OGG1: variants seen among roughly 807,000 people sequenced by gnomAD.
OGG1 encodes 8-oxoguanine DNA glycosylase.
In OGG1, 35 loss-of-function variants were observed where a neutral mutation model predicts 42.3. That is an observed-to-expected ratio of 0.83 (90% CI 0.63 to 1.10). The LOEUF is 1.10. Ranked by LOEUF, OGG1 falls within the 50% of genes least tolerant of loss-of-function variation. OGG1 has a pLI of 0.00. For synonymous variants in OGG1, 189 were observed against 179.0 expected (o/e 1.06, Z -0.44); for missense variants, 484 against 446.7 (o/e 1.08, Z -0.75).
In OGG1 at chr3:9,750,293, G is replaced by C. The variant is rs764615113; in HGVS notation, c.7G>C (p.Ala3Pro). Residue 3 changes from alanine to proline, a missense_variant, in exon 1 of 7, where the codon GCC becomes CCC. Coordinates refer to ENST00000344629, the MANE Select transcript of OGG1 (RefSeq NM_002542.6). MP[A>P]RALLPRRMGH... ...GGCGGTGCCTGCTGTGGAAATGCCTGCCCGCGCGCTTCTGCCCAGGCGCAT... is the reference window on the plus strand; with the variant it reads ...GGCGGTGCCTGCTGTGGAAATGCCTCCCCGCGCGCTTCTGCCCAGGCGCAT... 2.6e-5 allele frequency: 42 copies of C among 1,610,376 alleles called. No homozygotes were observed. The highest frequency in any genetic ancestry group is 3.6e-5 in the Non-Finnish European group (42 of 1,177,886).
At chr3:9,780,227 C>A (rs1226101705) in intron 2 of OGG1, 4 of 979,704 alleles carry the variant, frequency 4.1e-6, no homozygotes, top group Non-Finnish European at 5.9e-6. Context: ...AGGGGAAGGG[C>A]CACGGCCCTC....
Position 9,781,601 on chromosome 3 carries a change from G to A in OGG1, c.382+1G>A, listed in dbSNP as rs1162016956. On this transcript the variant is annotated splice_donor_variant, in intron 3 of 3. Coordinates refer to the OGG1 transcript ENST00000426518. LOFTEE classifies it high-confidence loss of function. ...CTAGGCAGCCTGAGGCTGACAGGAG[G>A]TGGGTGAGACACCAGATCAATCTCT... 2.4e-5 allele frequency: 11 copies of A among 456,124 alleles called. No individual in the cohort carries two copies. Among genetic ancestry groups the A allele is most frequent in the Non-Finnish European group, 4.4e-5 (10 of 226,594 alleles). The allele number at this position is 456,124 out of a possible 1,614,324, so 28.3% of individuals were successfully genotyped here.
chr3:9,774,001 T>C (rs1376658471), intron 2 of OGG1, among the ~76,000 whole-genome samples: 3 of 152,202 alleles, frequency 2.0e-5, no homozygotes, highest in Non-Finnish European at 4.4e-5. Context: ...CCAGTATGGC[T>C]GGCCTCCATG....
intron 2 of OGG1, among the ~76,000 whole-genome samples, chr3:9,772,762 T>C (rs547001254): frequency 1.3e-5 from 2 of 152,212 alleles, no homozygotes; most frequent in East Asian, 1.9e-4. Flanking sequence ...CCATAAGGAA[T>C]GGAAGAGGTA....
Position 9,750,304 on chromosome 3 carries a change from T to A in OGG1, c.18T>A (p.Leu6=), listed in dbSNP as rs1192113595. Residue 6 remains leucine (L), a synonymous_variant, in exon 1 of 7, where the codon CTT becomes CTA. Transcript: ENST00000344629. ...CTGTGGAAATGCCTGCCCGCGCGCT[T>A]CTGCCCAGGCGCATGGGGCATCGTA... MPARA[L]LPRRMGHRTL... is the part of the protein sequence containing the mutation. The A allele has an allele frequency of 5.0e-6, 8 of 1,612,344 alleles. No individual in the cohort carries two copies. Among genetic ancestry groups the A allele is most frequent in the Non-Finnish European group, 5.9e-6 (7 of 1,178,960 alleles).
downstream of OGG1, among the ~76,000 whole-genome samples, chr3:9,788,917 C>A (rs986866255): frequency 6.6e-6 from 1 of 151,154 alleles, no homozygotes; most frequent in African/African-American, 2.4e-5. Context: ...CTCACTGCAA[C>A]TTCCACCTCC....
At chr3:9,751,315 G>A (rs2077294143) in intron 2 of OGG1, 123 bp downstream of exon 2, 1 of 986,752 alleles carries the variant, frequency 1.0e-6, no homozygotes, top group Non-Finnish European at 1.6e-6. Flanking sequence ...AGGATTTAAG[G>A]AACTAATACA....
In OGG1 at chr3:9,750,202, T is replaced by C; in HGVS notation, c.-85T>C. ...GTGGGCGAGGCCTTAAGGGTCGTGG[T>C]CCTTGTCTGGGCGGGGTCTTTGGGC... is the stretch of plus-strand genomic sequence containing the variant. On this transcript the variant is annotated 5_prime_UTR_variant, in exon 1 of 7. Transcript: ENST00000344629. 9 of 1,530,246 alleles carry C rather than the reference T, an allele frequency of 5.9e-6. No homozygotes were observed. The highest frequency in any genetic ancestry group is 2.3e-4 in the Middle Eastern group (1 of 4,256). 94.8% of individuals were successfully genotyped at this position (1,530,246 alleles called of 1,614,324 possible).
intron 3 of OGG1, among the ~76,000 whole-genome samples, chr3:9,753,572 T>A (rs1194669746): frequency 1.3e-5 from 2 of 151,506 alleles, no homozygotes; most frequent in East Asian, 3.9e-4. Flanking sequence ...GAGAATGGCG[T>A]GAACCCGGGA....
intron 2 of OGG1, among the ~76,000 whole-genome samples, chr3:9,776,517 G>A (rs1366741382): frequency 6.6e-6 from 1 of 151,422 alleles, no homozygotes; most frequent in African/African-American, 2.4e-5. Flanking sequence ...AGCCTCCTGA[G>A]TAGCTGGGAC....
At chr3:9,783,813 G>A (rs893257728) in intron 3 of OGG1, 84 of 758,968 alleles carry the variant, frequency 1.1e-4, no homozygotes, top group South Asian at 3.6e-4. Context: ...CAAATCAATC[G>A]GTCAGTCACA....
chr3:9,751,785 G>A lies in OGG1; in HGVS notation c.401G>A (p.Arg134Gln), dbSNP rs371071998. Residue 134 changes from arginine (R) to glutamine (Q), a missense_variant, in exon 3 of 7, where the codon CGA becomes CAA. Coordinates refer to ENST00000344629, the MANE Select transcript of OGG1 (RefSeq NM_002542.6). The part of the protein sequence containing the change: ...AQKFQGVRLL[R>Q]QDPIECLFSF... ...TGGTCTCCAGGTGTGCGACTGCTGC[G>A]ACAAGACCCCATCGAATGCCTTTTC... The A allele has an allele frequency of 3.0e-5, 48 of 1,614,042 alleles. No homozygotes were observed. The highest frequency in any genetic ancestry group is 4.5e-5 in the East Asian group (2 of 44,900).
chr3:9,762,787 A>G, intron 7 of OGG1: 1 of 878,032 alleles, frequency 1.1e-6, no homozygotes, highest in Non-Finnish European at 1.8e-6. Context: ...AGGTTACAAG[A>G]TCCACTTTGT....
At chr3:9,763,052 C>A (rs766621313) in intron 7 of OGG1, 1 of 1,614,134 alleles carries the variant, frequency 6.2e-7, no homozygotes, top group South Asian at 1.1e-5. Context: ...CACCCGACAC[C>A]CTGCAGCAGG....
downstream of OGG1, among the ~76,000 whole-genome samples, chr3:9,788,729 G>A (rs375255398): frequency 4.6e-5 from 7 of 151,928 alleles, no homozygotes; most frequent in African/African-American, 1.4e-4. Flanking sequence ...TAGTAGAGAC[G>A]GCGTTTCACC....
downstream of OGG1, chr3:9,789,901 A>T (rs1234084331): frequency 6.2e-7 from 1 of 1,614,118 alleles, no homozygotes; most frequent in African/African-American, 1.3e-5. Flanking sequence ...CTCCAAGTTC[A>T]TGGTCTCGAC....
At chr3:9,758,074 AAC>A, downstream of OGG1, 1 of 555,932 alleles carries the variant, frequency 1.8e-6, no homozygotes, top group Non-Finnish European at 3.0e-6. Context: ...TATAAATAGA[AAC>A]ATAACTATAA....
chr3:9,763,491 G>A (rs538464838), intron 7 of OGG1, among the ~76,000 whole-genome samples: 1 of 151,934 alleles, frequency 6.6e-6, no homozygotes, highest in East Asian at 1.9e-4. Context: ...ACCTGGGTAG[G>A]ACAAACCAAG....
chr3:9,750,942 C>T lies in OGG1; in HGVS notation c.138-3C>T. 1.9e-6 allele frequency: 3 copies of T among 1,613,842 alleles called. No homozygotes were observed. Among genetic ancestry groups the T allele is most frequent in the South Asian group, 2.2e-5 (2 of 91,028 alleles). ...CCAGGGTTGTCATGTGCCTTGGGCT[C>T]AGGTGGAGGGAGCAAAGTCCTGCAC... is the stretch of plus-strand genomic sequence containing the variant. On this transcript the variant is annotated splice_region_variant and splice_polypyrimidine_tract_variant and intron_variant, in intron 1 of 6. Transcript: ENST00000344629.
Sources: allele counts gnomAD v4.1 joint callset (sites outside exome capture counted in the v4.1 genomes callset), GRCh38; gene constraint gnomAD v4.1.1; transcripts MANE v1.5; gene names NCBI Gene and HGNC (gene_info 2026-07-23, HGNC 2026-07-21).